Variants in CHTF8 observed in about 807,000 individuals in gnomAD.
CHTF8 encodes the protein chromosome transmission fidelity factor 8.
CHTF8 carries 6 observed loss-of-function variants against 11.0 expected under a neutral mutation model. The ratio of observed to expected loss-of-function variants is 0.55; its 90% CI spans 0.30 to 1.08. The LOEUF (loss-of-function observed/expected upper bound fraction) is 1.08, where lower values mean the gene tolerates loss of function less well. Ranked by LOEUF, CHTF8 falls within the 50% of genes least tolerant of loss-of-function variation. The pLI is 0.07. For synonymous variants in CHTF8, 53 were observed against 60.5 expected, an observed-to-expected ratio of 0.88 and a Z score of 0.57; for missense variants, 140 against 153.1, an observed-to-expected ratio of 0.91 and a Z score of 0.45.
chr16:69,131,721 C>T (rs548131782), intron 1 of CHTF8, among the ~76,000 whole-genome samples: 3 of 151,502 alleles, frequency 2.0e-5, no homozygotes, highest in East Asian at 2.0e-4. Flanking sequence ...GTCTTCCAAA[C>T]CGTTCACCCT....
At chr16:69,123,168 T>C (rs1310189403) in intron 1 of CHTF8, among the ~76,000 whole-genome samples, 1 of 152,132 alleles carries the variant, frequency 6.6e-6, no homozygotes, top group Non-Finnish European at 1.5e-5. Context: ...GTGATCCTCC[T>C]ACCTCAGCTT....
rs1184303952 is a variant in CHTF8, at chr16:69,119,734, G to A, written c.*691C>T. The A allele has an allele frequency of 4.3e-6, 3 of 690,910 alleles. No individual in the cohort carries two copies. The highest frequency in any genetic ancestry group is 2.7e-6 in the Non-Finnish European group (1 of 376,890). The allele number at this position is 690,910 out of a possible 1,614,324, so 42.8% of individuals were successfully genotyped here. A position where few individuals can be genotyped will look rare whatever the true frequency, so the allele number is the denominator to read the frequency against. ...TGGTCTTGGGTTGGGCCCAAGGCCT[G>A]GGCCTGGAAACACACCTGACCTGGG... is the stretch of plus-strand genomic sequence containing the variant. On this transcript the variant is annotated 3_prime_UTR_variant, in exon 4 of 4. Coordinates refer to ENST00000448552, the MANE Select transcript of CHTF8 (RefSeq NM_001039690.5).
intron 1 of CHTF8, among the ~76,000 whole-genome samples, chr16:69,126,149 G>A (rs1003871394): frequency 3.9e-5 from 6 of 152,168 alleles, no homozygotes; most frequent in Admixed American, 3.3e-4. Context: ...AATACAGGTG[G>A]TTTTAGAGAA....
At chr16:69,131,222 G>C (rs752554661) in intron 1 of CHTF8, 1 of 152,118 alleles carries the variant, frequency 6.6e-6, no homozygotes, top group Non-Finnish European at 1.5e-5. Flanking sequence ...GTTCAAAAAC[G>C]TGTGTGGATG....
intron 1 of CHTF8, among the ~76,000 whole-genome samples, chr16:69,124,593 T>C (rs934991512): frequency 6.6e-6 from 1 of 151,914 alleles, no homozygotes; most frequent in Admixed American, 6.6e-5. Context: ...CAGGCTGGTC[T>C]CGAACTTCTG....
intron 1 of CHTF8, among the ~76,000 whole-genome samples, chr16:69,123,307 G>A (rs899925152): frequency 6.6e-6 from 1 of 152,096 alleles, no homozygotes; most frequent in African/African-American, 2.4e-5. Context: ...TGGTAATGAT[G>A]TAAGCTTCAA....
In CHTF8 at chr16:69,120,722, G is replaced by A. The variant is rs751298439; in HGVS notation, c.142-73C>T. The A allele has an allele frequency of 9.0e-6, 12 of 1,327,506 alleles. No homozygotes were observed. Among genetic ancestry groups the A allele is most frequent in the Non-Finnish European group, 1.3e-5 (12 of 945,020 alleles). 82.2% of individuals were successfully genotyped at this position (1,327,506 alleles called of 1,614,324 possible). A position where few individuals can be genotyped will look rare whatever the true frequency, so the allele number is the denominator to read the frequency against. ...TAACACTCAGGCGCCTCCTAAAGCT[G>A]CTCTTGGCAGGCTATGCTGGCACCT... On this transcript the variant is annotated intron_variant, in intron 3 of 3. Transcript: ENST00000448552. This position sits in a 1 kb window ranked among gnomAD's most constrained non-coding sequence, Gnocchi z 4.0.
At chr16:69,130,581 C>A (rs1408708184) in intron 1 of CHTF8, among the ~76,000 whole-genome samples, 6 of 152,176 alleles carry the variant, frequency 3.9e-5, no homozygotes, top group Non-Finnish European at 5.9e-5. Context: ...GGTAGTTTAA[C>A]CTCACGTGTT....
chr16:69,122,508 G>T (rs1214551555), intron 1 of CHTF8, among the ~76,000 whole-genome samples: 1 of 151,446 alleles, frequency 6.6e-6, no homozygotes, highest in Non-Finnish European at 1.5e-5. Context: ...GAGTAGCTGG[G>T]ATTACAGGTG....
intron 2 of CHTF8, 102 bp from the exon 3 acceptor site, chr16:69,121,272 T>C: frequency 7.6e-7 from 1 of 1,315,572 alleles, no homozygotes; most frequent in Admixed American, 2.0e-5. Flanking sequence ...TTGTTGGATG[T>C]CAAGTTCTTG....
At chr16:69,127,239 C>CAA (rs532264036) in intron 1 of CHTF8, among the ~76,000 whole-genome samples, 2 of 108,784 alleles carry the variant, frequency 1.8e-5, no homozygotes, top group African/African-American at 3.4e-5. Context: ...AACTCCGTCT[C>CAA]AAAAAAAAAA....
At chr16:69,122,953 A>T (rs1475784603) in intron 1 of CHTF8, among the ~76,000 whole-genome samples, 1 of 152,124 alleles carries the variant, frequency 6.6e-6, no homozygotes, top group Non-Finnish European at 1.5e-5. Context: ...TGCTGGGATT[A>T]CAGGCATTAG....
intron 1 of CHTF8, among the ~76,000 whole-genome samples, chr16:69,125,612 C>A (rs766784181): frequency 2.0e-5 from 3 of 152,204 alleles, no homozygotes; most frequent in Non-Finnish European, 4.4e-5. Flanking sequence ...TTGAGTCAGA[C>A]CTTCTGCACC....
At position 69,122,086 on chromosome 16, in the gene CHTF8, G is replaced by A. The variant is rs189305023; in HGVS notation, c.-35-593C>T. The stretch of plus-strand genomic sequence containing the variant: ...CAGGTGTGAGCCACCATGCCTGGCC[G>A]ACAACTAATATTTATTACTTACTGT... On this transcript the variant is annotated intron_variant, in intron 1 of 3. Coordinates refer to ENST00000448552, the MANE Select transcript of CHTF8 (RefSeq NM_001039690.5). 1.8e-4 allele frequency among the ~76,000 whole-genome samples: 28 copies of A among 152,170 alleles called. No individual in the cohort carries two copies. The East Asian group carries it at 2.5e-3, about 14-fold the overall frequency.
chr16:69,119,911 C>T lies in CHTF8; in HGVS notation c.*514G>A, dbSNP rs527555624. ...AGATCCAGGGCCCATGGGACCACCA[C>T]CTCTGGGGTCAGGACCTGCTCCCAG... On this transcript the variant is annotated 3_prime_UTR_variant, in exon 4 of 4. Coordinates refer to ENST00000448552, the MANE Select transcript of CHTF8 (RefSeq NM_001039690.5). 1 of 702,506 alleles carries T rather than the reference C, an allele frequency of 1.4e-6. No individual in the cohort carries two copies. Among genetic ancestry groups the T allele is most frequent in the African/African-American group, 1.7e-5 (1 of 57,376 alleles). The allele number at this position is 702,506 out of a possible 1,614,324, so 43.5% of individuals were successfully genotyped here.
In CHTF8 at chr16:69,121,170, A is replaced by G. The variant is rs762620178; in HGVS notation, c.24T>C (p.Ser8=). The G allele has an allele frequency of 6.2e-7, 1 of 1,611,734 alleles. No homozygotes were observed. The highest frequency in any genetic ancestry group is 1.1e-5 in the South Asian group (1 of 91,010). MVQIVIS[S]ARAGGLAEWV... ...ATTCTGCCAGGCCTCCAGCCCTCGCACTGCAAGCAAAGGGCTGGCGGTTAC... is the reference window on the plus strand; with the variant it reads ...ATTCTGCCAGGCCTCCAGCCCTCGCGCTGCAAGCAAAGGGCTGGCGGTTAC... Residue 8 remains serine (S), a splice_region_variant and synonymous_variant, in exon 3 of 4, where the codon AGT becomes AGC. Transcript: ENST00000448552.
In CHTF8 at chr16:69,120,263, C is replaced by T. The variant is rs554038150; in HGVS notation, c.*162G>A. On this transcript the variant is annotated 3_prime_UTR_variant, in exon 4 of 4. Transcript: ENST00000448552. The surrounding 1 kb of genome is among the most constrained non-coding windows in gnomAD (Gnocchi z 4.0). ...GGGGTCAGATTTCCACCAAGAGAAC[C>T]GGCCGCCATAAGGAAGGGATCCGAG... 432 of 729,212 alleles carry T rather than the reference C, an allele frequency of 5.9e-4. 3 individuals carry two copies. The highest frequency in any genetic ancestry group is 2.2e-3 in the South Asian group (152 of 68,158). The allele number at this position is 729,212 out of a possible 1,614,324, so 45.2% of individuals were successfully genotyped here.
rs1489534543 is a variant in CHTF8 at position 69,120,553 on chromosome 16, C to G, written c.238G>C (p.Asp80His). 3 of 1,614,074 alleles carry G rather than the reference C, an allele frequency of 1.9e-6. No individual in the cohort carries two copies. In the South Asian group the frequency reaches 3.3e-5, roughly 18 times the overall value. ...FAVLVKHTPG[D>H]QDCDELGRET... is the part of the protein sequence containing the mutation. Reference sequence around the variant, plus strand: ...CGGCCAAGCTCATCACAGTCCTGATCCCCAGGAGTGTGTTTGACAAGGACT... The same window carrying G: ...CGGCCAAGCTCATCACAGTCCTGATGCCCAGGAGTGTGTTTGACAAGGACT... The change falls in exon 4 of 4, where the codon GAT (aspartate) becomes CAT (histidine). Residue 80 changes from aspartate (D) to histidine (H), a missense_variant. Coordinates refer to ENST00000448552, the MANE Select transcript of CHTF8 (RefSeq NM_001039690.5). This position sits in a 1 kb window ranked among gnomAD's most constrained non-coding sequence, Gnocchi z 4.0.
At position 69,118,859 on chromosome 16, in the gene CHTF8, G is replaced by A. The variant is rs1339308909; in HGVS notation, c.*1566C>T. 1.4e-5 allele frequency: 10 copies of A among 701,934 alleles called. No homozygotes were observed. The highest frequency in any genetic ancestry group is 2.6e-5 in the Non-Finnish European group (10 of 384,206). 43.5% of individuals were successfully genotyped at this position (701,934 alleles called of 1,614,324 possible). A position where few individuals can be genotyped will look rare whatever the true frequency, so the allele number is the denominator to read the frequency against. On this transcript the variant is annotated 3_prime_UTR_variant, in exon 4 of 4. Transcript: ENST00000448552. ...TCCTGGAGGGAAAATGGTGTTTAAG[G>A]GGGCAACATTCCATTTGGGTACATT...
Sources: gnomAD v4.1 joint callset for allele counts (sites outside exome capture counted in the v4.1 genomes callset) on GRCh38, gnomAD v4.1.1 for gene constraint, Gnocchi (gnomAD v3.1) non-coding constraint, MANE v1.5 for transcripts, NCBI Gene and HGNC (gene_info 2026-07-23, HGNC 2026-07-21) for gene names.